PEAK1: variants seen among roughly 807,000 people sequenced by gnomAD.
The protein encoded by PEAK1 is pseudopodium enriched atypical kinase 1.
A neutral mutation model predicts 124.7 loss-of-function variants in PEAK1; 54 were observed. The observed-to-expected ratio is 0.43, with a 90% CI of 0.35 to 0.54. The LOEUF is 0.54. Ranked by LOEUF, PEAK1 falls within the 20% of genes least tolerant of loss-of-function variation. The probability of loss-of-function intolerance (pLI) is 0.01; values close to 1 mark genes in which losing one functional copy is unlikely to be tolerated. For missense variants in PEAK1, 2,046 were observed against 2,134.5 expected, an observed-to-expected ratio of 0.96 and a Z score of 0.82; for synonymous variants, 719 against 760.0, an observed-to-expected ratio of 0.95 and a Z score of 0.89.
chr15:77,309,006 T>C (rs1355008477), intron 2 of PEAK1, among the ~76,000 whole-genome samples: 1 of 152,110 alleles, frequency 6.6e-6, no homozygotes, highest in East Asian at 1.9e-4. Flanking sequence ...TTCAGGAGTA[T>C]GAGTAAAACC....
In PEAK1 at chr15:77,388,096, A is replaced by G. The variant is rs2070111138; in HGVS notation, c.-665-22871T>C. On this transcript the variant is annotated intron_variant, in intron 1 of 9. Coordinates refer to ENST00000682557, the MANE Select transcript of PEAK1 (RefSeq NM_001385026.1). ...TGGTCCCAGCTACTTGTGGGGCTTG[A>G]GGCAGGAGGATCGCTTGAGCCCAAG... 3.9e-5 allele frequency among the ~76,000 whole-genome samples: 6 copies of G among 152,144 alleles called. No homozygotes were observed. In the South Asian group the frequency reaches 1.0e-3, roughly 26 times the overall value.
At chr15:77,370,872 T>C (rs1276141140) in intron 1 of PEAK1, 1 of 488,932 alleles carries the variant, frequency 2.0e-6, no homozygotes, top group Non-Finnish European at 2.7e-6. Flanking sequence ...TCTACTAAAA[T>C]ACAAAAAATT....
At chr15:77,336,534 T>C (rs2066212356) in intron 2 of PEAK1, 8 of 985,418 alleles carry the variant, frequency 8.1e-6, no homozygotes, top group East Asian at 1.1e-4. Context: ...GTTGCCCACA[T>C]GAAATATAGA....
intron 6 of PEAK1, among the ~76,000 whole-genome samples, chr15:77,251,702 T>C (rs1397975361): frequency 6.6e-6 from 1 of 152,120 alleles, no homozygotes. Context: ...CAGGACTAGC[T>C]AAAATGGGGA....
chr15:77,133,044 A>G lies in PEAK1; in HGVS notation c.4038T>C (p.Ala1346=). The G allele has an allele frequency of 6.2e-7, 1 of 1,613,584 alleles. No individual in the cohort carries two copies. The highest frequency in any genetic ancestry group is 8.5e-7 in the Non-Finnish European group (1 of 1,179,502). Residue 1346 remains alanine, a synonymous_variant, in exon 9 of 10, where the codon GCT becomes GCC. Transcript: ENST00000682557. This position sits in a 1 kb window ranked among gnomAD's most constrained non-coding sequence, Gnocchi z 4.2. ...CEAGDAVYYT[A]SYAKDPLNNY... ...TATTAAGTGGATCTTTTGCATATGAAGCAGTATAGTAAACCGCATCACCTG... is the reference window on the plus strand; with the variant it reads ...TATTAAGTGGATCTTTTGCATATGAGGCAGTATAGTAAACCGCATCACCTG...
chr15:77,246,460 G>T (rs560366264), intron 6 of PEAK1, among the ~76,000 whole-genome samples: 2 of 152,006 alleles, frequency 1.3e-5, no homozygotes, highest in Admixed American at 1.3e-4. Context: ...GGAGGTTGAG[G>T]CTACAGTGAG....
At chr15:77,218,847 C>T (rs368952017) in intron 6 of PEAK1, among the ~76,000 whole-genome samples, 2 of 152,110 alleles carry the variant, frequency 1.3e-5, no homozygotes, top group South Asian at 2.1e-4. Flanking sequence ...ACCCATTTCA[C>T]ACTGCACAGA....
chr15:77,374,066 G>T (rs990375947), intron 1 of PEAK1, among the ~76,000 whole-genome samples: 1 of 152,130 alleles, frequency 6.6e-6, no homozygotes, highest in Admixed American at 6.5e-5. Flanking sequence ...TATTTTTAAT[G>T]TTTTTAAATA....
chr15:77,419,507 C>A, intron 1 of PEAK1: 1 of 985,338 alleles, frequency 1.0e-6, no homozygotes. Context: ...CCACCCGGCT[C>A]CGTCCCGACG....
In PEAK1 at chr15:77,279,980, T is replaced by C. The variant is rs115213096; in HGVS notation, c.-275+3903A>G. 7.3e-3 allele frequency among the ~76,000 whole-genome samples: 1,114 copies of C among 152,282 alleles called. 15 individuals are homozygous for C. Among genetic ancestry groups the C allele is most frequent in the African/African-American group, 0.025 (1,058 of 41,568 alleles). On this transcript the variant is annotated intron_variant, in intron 5 of 9. Transcript: ENST00000682557. The stretch of plus-strand genomic sequence containing the variant: ...AAGTTTTCTAGGGTGATGGGACTGT[T>C]TGTTTCCTGTTTGTAGTGGTAGTTG...
rs1567166603 is a variant in PEAK1 at position 77,250,211 on chromosome 15, GTATATATATACACATA to G, written c.-115+2140_-115+2155del. Among the ~76,000 whole-genome samples the G allele has an allele frequency of 9.0e-4, 118 of 131,362 alleles. 1 individual carries two copies. The highest frequency in any genetic ancestry group is 5.5e-3 in the South Asian group (23 of 4,196). The allele number at this position is 131,362 out of a possible 152,430, so 86.2% of individuals were successfully genotyped here. On this transcript the variant is annotated intron_variant, in intron 6 of 9. Coordinates refer to ENST00000682557, the MANE Select transcript of PEAK1 (RefSeq NM_001385026.1). ...TATATACATATATATACATATATAT[GTATATATATACACATA>G]TATATGTATATGTATATATATATAT... is the stretch of plus-strand genomic sequence containing the variant.
intron 6 of PEAK1, among the ~76,000 whole-genome samples, chr15:77,229,565 C>T (rs570235299): frequency 6.6e-6 from 1 of 152,214 alleles, no homozygotes; most frequent in East Asian, 1.9e-4. Flanking sequence ...ACATTAATAA[C>T]TTCTCTCATG....
intron 2 of PEAK1, among the ~76,000 whole-genome samples, chr15:77,287,702 T>G (rs2062999226): frequency 6.6e-6 from 1 of 152,138 alleles, no homozygotes; most frequent in Admixed American, 6.5e-5. Flanking sequence ...AGCCTCAGAC[T>G]CCTACATCCA....
intron 5 of PEAK1, among the ~76,000 whole-genome samples, chr15:77,266,191 A>T (rs2061718696): frequency 1.3e-5 from 2 of 152,204 alleles, no homozygotes; most frequent in Non-Finnish European, 2.9e-5. Context: ...AGCATGTCAC[A>T]TGTATACATA....
At chr15:77,222,127 G>A (rs920105213) in intron 6 of PEAK1, among the ~76,000 whole-genome samples, 1 of 151,942 alleles carries the variant, frequency 6.6e-6, no homozygotes, top group South Asian at 2.1e-4. Flanking sequence ...TCAGAAGAAT[G>A]ATTTGACCCA....
At chr15:77,187,004 A>T (rs1257488770) in intron 6 of PEAK1, among the ~76,000 whole-genome samples, 1 of 152,238 alleles carries the variant, frequency 6.6e-6, no homozygotes, top group Non-Finnish European at 1.5e-5. Flanking sequence ...CTCCTGAGGC[A>T]CTTACACAAG....
chr15:77,223,244 A>T (rs2059468577), intron 6 of PEAK1, among the ~76,000 whole-genome samples: 1 of 152,106 alleles, frequency 6.6e-6, no homozygotes, highest in Middle Eastern at 3.4e-3. Context: ...TTTGAAGCAA[A>T]CTTGGAAGTC....
intron 1 of PEAK1, among the ~76,000 whole-genome samples, chr15:77,405,587 A>C (rs2071752995): frequency 6.6e-6 from 1 of 152,206 alleles, no homozygotes; most frequent in Non-Finnish European, 1.5e-5. Flanking sequence ...TGCATATAGC[A>C]GGAGTCAGTC....
At chr15:77,404,653 T>C (rs1481189629) in intron 1 of PEAK1, 2 of 951,746 alleles carry the variant, frequency 2.1e-6, no homozygotes, top group Non-Finnish European at 2.5e-6. Context: ...ATTTGAGACA[T>C]ATTCTTCGAG....
Sources: allele counts gnomAD v4.1 joint callset (sites outside exome capture counted in the v4.1 genomes callset), GRCh38; gene constraint gnomAD v4.1.1; non-coding constraint Gnocchi (gnomAD v3.1); transcripts MANE v1.5; gene names NCBI Gene and HGNC (gene_info 2026-07-23, HGNC 2026-07-21).